The following RAB11FIP4 variants were observed in gnomAD, a reference collection of about 807,000 sequenced individuals.
RAB11FIP4 encodes rab11 family-interacting protein 4.
Under a neutral mutation model 74.3 loss-of-function variants are expected in RAB11FIP4, and 23 were observed. The observed-to-expected ratio is 0.31, with a 90% confidence interval of 0.22 to 0.44. The LOEUF is 0.44. Among genes scored for constraint, RAB11FIP4 ranks in the 20% least tolerant of loss-of-function variants. The pLI, the probability that RAB11FIP4 is intolerant of heterozygous loss-of-function variation, is 1.00. For synonymous variants in RAB11FIP4, 360 were observed against 359.9 expected, an observed-to-expected ratio of 1.00 and a Z score of 0.00; for missense variants, 630 against 863.9, an observed-to-expected ratio of 0.73 and a Z score of 3.39.
intron 1 of RAB11FIP4, among the ~76,000 whole-genome samples, chr17:31,418,982 C>G (rs1386613306): frequency 6.6e-6 from 1 of 152,154 alleles, no homozygotes; most frequent in African/African-American, 2.4e-5. Context: ...ACCCACTGAT[C>G]TGGCTTTGTC....
At chr17:31,392,133 C>G in intron 1 of RAB11FIP4, 122 bp downstream of exon 1, 1 of 762,948 alleles carries the variant, frequency 1.3e-6, no homozygotes, top group East Asian at 4.0e-5. Flanking sequence ...CCAATCCCCT[C>G]CCTCCGCCGG....
At chr17:31,496,906 G>A (rs562447391) in intron 3 of RAB11FIP4, among the ~76,000 whole-genome samples, 6 of 152,340 alleles carry the variant, frequency 3.9e-5, no homozygotes, top group Admixed American at 3.9e-4. Flanking sequence ...TCCTTGCTGC[G>A]TTAAAATCAG....
chr17:31,480,781 C>T (rs937908114), intron 3 of RAB11FIP4, among the ~76,000 whole-genome samples: 1 of 134,160 alleles, frequency 7.5e-6, no homozygotes, highest in Non-Finnish European at 1.6e-5. Context: ...AGCCAGACTC[C>T]AGACTCCGTC....
chr17:31,474,345 T>C (rs893934206), intron 3 of RAB11FIP4, among the ~76,000 whole-genome samples: 1 of 150,760 alleles, frequency 6.6e-6, no homozygotes, highest in East Asian at 1.9e-4. Flanking sequence ...GCTGAGGAGG[T>C]TGGAGGGGTG....
intron 1 of RAB11FIP4, among the ~76,000 whole-genome samples, chr17:31,400,056 A>G (rs2070970449): frequency 6.6e-6 from 1 of 151,890 alleles, no homozygotes; most frequent in African/African-American, 2.4e-5. Flanking sequence ...AAAAAAAAAA[A>G]GCCATTTTAT....
intron 1 of RAB11FIP4, among the ~76,000 whole-genome samples, chr17:31,397,418 C>A (rs1167286943): frequency 6.6e-6 from 1 of 152,196 alleles, no homozygotes; most frequent in Non-Finnish European, 1.5e-5. Flanking sequence ...GGCAAAGTCC[C>A]AACGAGCTAC....
rs1010055678 is a variant in RAB11FIP4, at chr17:31,469,633, A to C, written c.336+35511A>C. On this transcript the variant is annotated intron_variant, in intron 3 of 14. Transcript: ENST00000621161. ...GGTGACAAAGTGAGACCCTCTCTCA[A>C]AAAAAAAAAAAAAAAAAGCGAGACT... Among the ~76,000 whole-genome samples, 15 of 37,614 alleles carry C rather than the reference A, an allele frequency of 4.0e-4. No homozygotes were observed. In the East Asian group the frequency reaches 0.037, roughly 94 times the overall value. 24.7% of individuals were successfully genotyped at this position (37,614 alleles called of 152,430 possible).
intron 1 of RAB11FIP4, 177 bp downstream of exon 1, chr17:31,392,188 G>T: frequency 2.2e-6 from 1 of 460,778 alleles, no homozygotes; most frequent in Non-Finnish European, 3.4e-6. Context: ...GCCCAGCCGG[G>T]CCCTCGCTTT....
intron 8 of RAB11FIP4, 51 bp from the exon 9 acceptor site, chr17:31,523,842 G>A: frequency 7.1e-7 from 1 of 1,412,680 alleles, no homozygotes; most frequent in Non-Finnish European, 9.9e-7. Context: ...GAGGTTCTCG[G>A]TTCTGTGGCC....
At chr17:31,459,638 A>T (rs1470903391) in intron 3 of RAB11FIP4, among the ~76,000 whole-genome samples, 1 of 150,984 alleles carries the variant, frequency 6.6e-6, no homozygotes, top group African/African-American at 2.4e-5. Context: ...TGCCCTTTCT[A>T]CTCCTGGGCT....
rs535493686 is a variant in RAB11FIP4 at position 31,472,802 on chromosome 17, G to T, written c.336+38680G>T. 2.6e-5 allele frequency among the ~76,000 whole-genome samples: 4 copies of T among 152,184 alleles called. No individual in the cohort carries two copies. In the East Asian group the frequency reaches 7.7e-4, roughly 29 times the overall value. On this transcript the variant is annotated intron_variant, in intron 3 of 14. Transcript: ENST00000621161. Reference sequence around the variant, plus strand: ...AATCCCAGTACTTTGGGAGGCTGAGGAGGGTGGATCTCTTGAGGTCAGGAG... The same window carrying T: ...AATCCCAGTACTTTGGGAGGCTGAGTAGGGTGGATCTCTTGAGGTCAGGAG...
chr17:31,412,457 A>T (rs1473656453), intron 1 of RAB11FIP4, among the ~76,000 whole-genome samples: 1 of 152,256 alleles, frequency 6.6e-6, no homozygotes, highest in Non-Finnish European at 1.5e-5. Flanking sequence ...TACGGATTTC[A>T]GAAACCTTTC....
intron 1 of RAB11FIP4, among the ~76,000 whole-genome samples, chr17:31,425,269 T>C (rs966298816): frequency 4.6e-5 from 7 of 152,254 alleles, no homozygotes; most frequent in Non-Finnish European, 8.8e-5. Context: ...AAAGGAAGGC[T>C]CGCTAAGCAT....
At chr17:31,453,598 G>A (rs1332683424) in intron 3 of RAB11FIP4, among the ~76,000 whole-genome samples, 1 of 151,684 alleles carries the variant, frequency 6.6e-6, no homozygotes, top group South Asian at 2.1e-4. Flanking sequence ...GTCAAGGCAG[G>A]TGAATTACAT....
intron 3 of RAB11FIP4, among the ~76,000 whole-genome samples, chr17:31,481,799 T>C (rs2071852195): frequency 6.6e-6 from 1 of 152,112 alleles, no homozygotes; most frequent in Non-Finnish European, 1.5e-5. Context: ...AGAAAACCCA[T>C]TGTTTATACA....
intron 10 of RAB11FIP4, chr17:31,525,551 G>C (rs540412085): frequency 2.9e-4 from 99 of 342,932 alleles, no homozygotes; most frequent in African/African-American, 1.9e-3. Context: ...GTTCTCCCCT[G>C]ACCCCTGGTG....
chr17:31,442,494 C>A (rs1467412717), intron 3 of RAB11FIP4, among the ~76,000 whole-genome samples: 1 of 152,204 alleles, frequency 6.6e-6, no homozygotes, highest in African/African-American at 2.4e-5. Flanking sequence ...CACAGCCACA[C>A]CCATTTGTTC....
intron 3 of RAB11FIP4, among the ~76,000 whole-genome samples, chr17:31,485,681 G>A (rs1433347292): frequency 6.6e-6 from 1 of 152,186 alleles, no homozygotes; most frequent in Non-Finnish European, 1.5e-5. Context: ...GGCAGATAGA[G>A]TGGGCCCAGG....
At chr17:31,488,366 G>T in intron 3 of RAB11FIP4, 1 of 1,087,428 alleles carries the variant, frequency 9.2e-7, no homozygotes, top group Non-Finnish European at 1.1e-6. Flanking sequence ...GGCGGAGAGC[G>T]GACTTGGCCT....
Sources: gnomAD v4.1 joint callset for allele counts (sites outside exome capture counted in the v4.1 genomes callset) on GRCh38, gnomAD v4.1.1 for gene constraint, MANE v1.5 for transcripts, NCBI Gene and HGNC (gene_info 2026-07-23, HGNC 2026-07-21) for gene names.